DNAH7: variants seen among roughly 807,000 people sequenced by gnomAD.
The protein encoded by DNAH7 is dynein axonemal heavy chain 7.
In DNAH7, 397 loss-of-function variants were observed where a neutral mutation model predicts 444.6. The observed-to-expected ratio is 0.89, with a 90% CI of 0.82 to 0.97. The LOEUF is 0.97. DNAH7 is among the 50% of genes least tolerant of loss of function. The pLI is 0.00. For missense variants in DNAH7, 4,902 were observed against 4,800.8 expected, an observed-to-expected ratio of 1.02 and a Z score of -0.62; for synonymous variants, 1,636 against 1,624.4, an observed-to-expected ratio of 1.01 and a Z score of -0.17.
rs140960425 is a variant in DNAH7, at chr2:195,881,580, G to A, written c.5961+215C>T. 2.8e-3 allele frequency among the ~76,000 whole-genome samples: 431 copies of A among 152,118 alleles called. 1 individual carries two copies. The highest frequency in any genetic ancestry group is 5.2e-3 in the Non-Finnish European group (352 of 67,998). ...CAATTTAATGGTATAAAATGGCAAC[G>A]TATCATTAATCAACTTTTGAAAATA... On this transcript the variant is annotated intron_variant, in intron 36 of 64. Coordinates refer to ENST00000312428, the MANE Select transcript of DNAH7 (RefSeq NM_018897.3).
chr2:195,832,408 A>G lies in DNAH7; in HGVS notation c.9100+1798T>C, dbSNP rs529065688. 2.0e-5 allele frequency among the ~76,000 whole-genome samples: 3 copies of G among 151,878 alleles called. No individual in the cohort carries two copies. In the East Asian group the frequency reaches 5.8e-4, roughly 29 times the overall value. ...TAACCTAAGTAATTTTAATTACTTA[A>G]TGTTTTGGGTTCTGTTTTTGGTTTT... is the stretch of plus-strand genomic sequence containing the variant. On this transcript the variant is annotated intron_variant, in intron 48 of 64. Coordinates refer to ENST00000312428, the MANE Select transcript of DNAH7 (RefSeq NM_018897.3).
intron 46 of DNAH7, among the ~76,000 whole-genome samples, chr2:195,849,623 C>T (rs114299229): frequency 1.9e-3 from 289 of 151,932 alleles, no homozygotes; most frequent in African/African-American, 6.7e-3. Flanking sequence ...TTTTTTGAGA[C>T]GGAATCTTAA....
In DNAH7 at chr2:195,857,555, T is replaced by C. The variant is rs1454555940; in HGVS notation, c.8236A>G (p.Met2746Val). 2.5e-6 allele frequency: 4 copies of C among 1,614,018 alleles called. No individual in the cohort carries two copies. Among genetic ancestry groups the C allele is most frequent in the South Asian group, 2.2e-5 (2 of 91,080 alleles). ...TCATGAAGTGACTGCAGAAACCTCA[T>C]GTCACCAAGAAGTCTCTTAGCTGGG... ...WGPAKRLLGD[M>V]RFLQSLHEYD... The change falls in exon 44 of 65, where the codon ATG becomes GTG. Residue 2746 changes from methionine to valine, a missense_variant. Physicochemically the swap from Met to Val is conservative, Grantham distance 21 (BLOSUM62 1). Coordinates refer to ENST00000312428, the MANE Select transcript of DNAH7 (RefSeq NM_018897.3).
In DNAH7 at chr2:195,934,912, C is replaced by T. The variant is rs142482085; in HGVS notation, c.3273-123G>A. On this transcript the variant is annotated intron_variant, in intron 20 of 64. Coordinates refer to ENST00000312428, the MANE Select transcript of DNAH7 (RefSeq NM_018897.3). ...TGGGAATGAAATGCTGTGCAAAAACCGGAAACCCCCAAAACAAACAAACAA... is the reference window on the plus strand; with the variant it reads ...TGGGAATGAAATGCTGTGCAAAAACTGGAAACCCCCAAAACAAACAAACAA... 1.3e-3 allele frequency: 1,289 copies of T among 1,029,174 alleles called. 49 individuals carry two copies. The East Asian group carries it at 0.023, about 18-fold the overall frequency. 63.8% of individuals were successfully genotyped at this position (1,029,174 alleles called of 1,614,324 possible).
chr2:196,033,489 T>TAGA (rs1696191435), intron 5 of DNAH7, among the ~76,000 whole-genome samples: 6 of 152,220 alleles, frequency 3.9e-5, no homozygotes, highest in Non-Finnish European at 7.4e-5. Context: ...GTAACAACCA[T>TAGA]TCTACTCTCT....
At chr2:195,968,925 C>A (rs543252544) in intron 17 of DNAH7, among the ~76,000 whole-genome samples, 1 of 152,218 alleles carries the variant, frequency 6.6e-6, no homozygotes, top group Non-Finnish European at 1.5e-5. Flanking sequence ...GAGTTCAATG[C>A]AAAGTCCCCC....
intron 63 of DNAH7, among the ~76,000 whole-genome samples, chr2:195,742,513 A>G (rs975953605): frequency 5.9e-5 from 9 of 152,232 alleles, no homozygotes; most frequent in East Asian, 3.8e-4. Context: ...CAACCCATCA[A>G]TTGTATAGGA....
At chr2:195,743,451 T>G (rs1370953512) in intron 63 of DNAH7, among the ~76,000 whole-genome samples, 1 of 144,970 alleles carries the variant, frequency 6.9e-6, no homozygotes, top group Non-Finnish European at 1.5e-5. Flanking sequence ...AGCCTTTAGG[T>G]GCCCCTTTTC....
intron 19 of DNAH7, among the ~76,000 whole-genome samples, chr2:195,945,127 A>G (rs1689714378): frequency 6.6e-6 from 1 of 152,118 alleles, no homozygotes. Flanking sequence ...GTTCTGGTAT[A>G]GTTTATTCAA....
chr2:195,917,160 G>A (rs1438351709), intron 24 of DNAH7, among the ~76,000 whole-genome samples: 2 of 149,904 alleles, frequency 1.3e-5, no homozygotes, highest in Non-Finnish European at 3.0e-5. Context: ...GTGACAAAGT[G>A]AGATTCCATC....
chr2:195,892,767 G>A (rs1043095543), intron 30 of DNAH7: 2 of 151,866 alleles, frequency 1.3e-5, no homozygotes, highest in Non-Finnish European at 2.9e-5. Context: ...GTACCATACA[G>A]AACACTTTCA....
intron 9 of DNAH7, among the ~76,000 whole-genome samples, chr2:196,015,328 G>A (rs948045422): frequency 2.6e-5 from 4 of 151,964 alleles, no homozygotes; most frequent in Non-Finnish European, 4.4e-5. Flanking sequence ...TTTGTATCCT[G>A]TGTGCTGTAC....
At chr2:195,766,589 T>TA (rs559446071) in intron 61 of DNAH7, among the ~76,000 whole-genome samples, 67 of 152,158 alleles carry the variant, frequency 4.4e-4, no homozygotes, top group African/African-American at 1.6e-3. Flanking sequence ...ATGAATATTT[T>TA]AAAAAATGAA....
intron 15 of DNAH7, among the ~76,000 whole-genome samples, chr2:195,984,382 T>C (rs1692771484): frequency 6.6e-6 from 1 of 152,198 alleles, no homozygotes. Flanking sequence ...AGAGTATTGC[T>C]GTGTTGCCAG....
At chr2:196,003,236 G>C (rs190497305) in intron 10 of DNAH7, among the ~76,000 whole-genome samples, 1 of 149,938 alleles carries the variant, frequency 6.7e-6, no homozygotes, top group Non-Finnish European at 1.5e-5. Flanking sequence ...GAATTATAAA[G>C]AAAAATAAAT....
intron 40 of DNAH7, 34 bp from the exon 41 acceptor site, chr2:195,865,055 T>C: frequency 6.6e-7 from 1 of 1,521,054 alleles, no homozygotes; most frequent in Non-Finnish European, 8.7e-7. Context: ...TTTAGAAACT[T>C]TCTTCTGATT....
intron 15 of DNAH7, among the ~76,000 whole-genome samples, chr2:195,979,185 G>T (rs1692397837): frequency 6.6e-6 from 1 of 152,092 alleles, no homozygotes; most frequent in African/African-American, 2.4e-5. Context: ...CTTCTCTGCA[G>T]CACATGGATC....
At chr2:196,044,993 G>C (rs751466330) in intron 5 of DNAH7, among the ~76,000 whole-genome samples, 5 of 151,868 alleles carry the variant, frequency 3.3e-5, no homozygotes, top group Non-Finnish European at 7.4e-5. Context: ...CTGAGCCCAG[G>C]GTGTCTAAGT....
At chr2:195,775,144 T>G (rs987822907) in intron 60 of DNAH7, among the ~76,000 whole-genome samples, 1 of 152,210 alleles carries the variant, frequency 6.6e-6, no homozygotes, top group African/African-American at 2.4e-5. Context: ...TATCTCTTAA[T>G]AGACAAGCAA....
Sources: allele counts gnomAD v4.1 joint callset (sites outside exome capture counted in the v4.1 genomes callset), GRCh38; gene constraint gnomAD v4.1.1; transcripts MANE v1.5; gene names NCBI Gene and HGNC (gene_info 2026-07-23, HGNC 2026-07-21).